The following TTF2 variants were observed in gnomAD, a reference collection of about 807,000 sequenced individuals.
TTF2 encodes RNA polymerase II termination factor.
TTF2 carries 108 observed loss-of-function variants against 142.4 expected under a neutral mutation model. The ratio of observed to expected loss-of-function variants is 0.76; its 90% CI spans 0.65 to 0.89. The LOEUF is 0.89. TTF2 is among the 40% of genes least tolerant of loss of function. The pLI is 0.00. For missense variants in TTF2, 1,327 were observed against 1,379.8 expected, an observed-to-expected ratio of 0.96 and a Z score of 0.61; for synonymous variants, 483 against 506.2, an observed-to-expected ratio of 0.95 and a Z score of 0.61.
chr1:117,090,141 GTA>G lies in TTF2; in HGVS notation c.2431_2432del (p.Ile811PhefsTer28), dbSNP rs1266479654. On this transcript the variant is annotated frameshift_variant, in exon 14 of 23. Coordinates refer to ENST00000369466, the MANE Select transcript of TTF2 (RefSeq NM_003594.4). LOFTEE classifies it high-confidence loss of function. This position sits in a 1 kb window ranked among gnomAD's most constrained non-coding sequence, Gnocchi z 4.8. The stretch of plus-strand genomic sequence containing the variant: ...TCAAAGAAAGGAGGAGAACGGTTAA[GTA>G]TTTTAACCAAGAGCCTTTTGCTGAG... 8 of 1,614,048 alleles carry G rather than the reference GTA, an allele frequency of 5.0e-6. No homozygotes were observed. The highest frequency in any genetic ancestry group is 6.8e-6 in the Non-Finnish European group (8 of 1,179,994).
At position 117,077,980 on chromosome 1, in the gene TTF2, G is replaced by T; in HGVS notation, c.1638G>T (p.Leu546=). The change falls in exon 8 of 23, where the codon CTG becomes CTT. Residue 546 remains leucine, a synonymous_variant. Coordinates refer to ENST00000369466, the MANE Select transcript of TTF2 (RefSeq NM_003594.4). The part of the protein sequence containing the change: ...WKITSEAIGQ[L]HRSLESCPGE... Reference sequence around the variant, plus strand: ...TCACAAGTGAAGCCATCGGTCAACTGCATCGCTCACTTGAGTCATGTCCTG... The same window carrying T: ...TCACAAGTGAAGCCATCGGTCAACTTCATCGCTCACTTGAGTCATGTCCTG... The T allele has an allele frequency of 1.9e-6, 3 of 1,614,190 alleles. No homozygotes were observed. Among genetic ancestry groups the T allele is most frequent in the Non-Finnish European group, 2.5e-6 (3 of 1,180,020 alleles).
chr1:117,080,881 C>A lies in TTF2; in HGVS notation c.1784-947C>A, dbSNP rs1195262325. Among the ~76,000 whole-genome samples, 1 of 152,148 alleles carries A rather than the reference C, an allele frequency of 6.6e-6. No homozygotes were observed. The highest frequency in any genetic ancestry group is 2.1e-4 in the South Asian group (1 of 4,830). On this transcript the variant is annotated intron_variant, in intron 9 of 22. Coordinates refer to ENST00000369466, the MANE Select transcript of TTF2 (RefSeq NM_003594.4). This position sits in a 1 kb window ranked among gnomAD's most constrained non-coding sequence, Gnocchi z 4.3. ...CCCAGCAGGGAGTTGTGACAACAGG[C>A]GTCAAAGGTTCCCTAGGAAGCTCAT...
chr1:117,077,603 T>C (rs1411851654), intron 7 of TTF2, among the ~76,000 whole-genome samples: 1 of 152,136 alleles, frequency 6.6e-6, no homozygotes, highest in Non-Finnish European at 1.5e-5. Context: ...TCCTGAACTT[T>C]CTAGGCAACT....
intron 3 of TTF2, among the ~76,000 whole-genome samples, chr1:117,068,115 G>T (rs1656290969): frequency 6.6e-6 from 1 of 152,198 alleles, no homozygotes; most frequent in Non-Finnish European, 1.5e-5. Flanking sequence ...CAAATTTTGG[G>T]CATTGTCACT....
chr1:117,060,674 G>C, intron 2 of TTF2, 117 bp downstream of exon 2: 1 of 997,164 alleles, frequency 1.0e-6, no homozygotes, highest in Non-Finnish European at 1.4e-6. Flanking sequence ...CTAGTTTGCG[G>C]TGTCAGGACC....
intron 13 of TTF2, 62 bp downstream of exon 13, chr1:117,089,044 C>T: frequency 1.3e-6 from 2 of 1,504,944 alleles, no homozygotes; most frequent in Non-Finnish European, 1.8e-6. Flanking sequence ...ATCATTATTT[C>T]ATGTCTCATA....
At position 117,090,486 on chromosome 1, in the gene TTF2, G is replaced by T; in HGVS notation, c.2497-46G>T. The stretch of plus-strand genomic sequence containing the variant: ...TGGGGAATTTGTTCTATAATAGGCA[G>T]TTAATTTGTATAGCTTCATGCCAGC... On this transcript the variant is annotated intron_variant, in intron 14 of 22. Transcript: ENST00000369466. This position sits in a 1 kb window ranked among gnomAD's most constrained non-coding sequence, Gnocchi z 4.8. 6.4e-7 allele frequency: 1 copy of T among 1,563,570 alleles called. No homozygotes were observed. Among genetic ancestry groups the T allele is most frequent in the Non-Finnish European group, 8.8e-7 (1 of 1,141,574 alleles).
chr1:117,066,497 G>T (rs1656140456), intron 3 of TTF2, among the ~76,000 whole-genome samples: 1 of 152,086 alleles, frequency 6.6e-6, no homozygotes, highest in Non-Finnish European at 1.5e-5. Context: ...ACTTCCCTGG[G>T]TTGGAGGACT....
chr1:117,075,869 G>T lies in TTF2; in HGVS notation c.1275+10G>T. 1 of 1,592,328 alleles carries T rather than the reference G, an allele frequency of 6.3e-7. No homozygotes were observed. Among genetic ancestry groups the T allele is most frequent in the South Asian group, 1.1e-5 (1 of 87,316 alleles). ...ACTGAAACAAAAGAAGGTAACTATT[G>T]ACTCGTGTTTTGTTTCTGAGGTCAG... On this transcript the variant is annotated intron_variant, in intron 5 of 22. Transcript: ENST00000369466. This position sits in a 1 kb window ranked among gnomAD's most constrained non-coding sequence, Gnocchi z 4.5.
In TTF2 at chr1:117,102,922, G is replaced by C. The variant is rs1434362452; in HGVS notation, c.*1398G>C. ...TTCCTTTTCCTCCCGGGCACCCAGA[G>C]AGACTGTATTTCCCAGTTTTTGCTG... On this transcript the variant is annotated 3_prime_UTR_variant, in exon 23 of 23. Coordinates refer to ENST00000369466, the MANE Select transcript of TTF2 (RefSeq NM_003594.4). The C allele has an allele frequency of 6.6e-6, 1 of 152,214 alleles. No homozygotes were observed. The highest frequency in any genetic ancestry group is 1.5e-5 in the Non-Finnish European group (1 of 68,050). The allele number at this position is 152,214 out of a possible 1,614,324, so 9.4% of individuals were successfully genotyped here.
intron 10 of TTF2, 89 bp from the exon 11 acceptor site, chr1:117,083,929 A>G: frequency 6.7e-7 from 1 of 1,492,198 alleles, no homozygotes; most frequent in Non-Finnish European, 9.1e-7. Context: ...TGGGTAACAC[A>G]GCAAGACCGT....
chr1:117,095,803 C>T, intron 19 of TTF2, among the ~76,000 whole-genome samples: 1 of 152,164 alleles, frequency 6.6e-6, no homozygotes, highest in Non-Finnish European at 1.5e-5. Context: ...TTCTGGCTGG[C>T]ACAAGAAGGG....
chr1:117,088,429 C>T (rs747167647), intron 12 of TTF2, among the ~76,000 whole-genome samples: 12 of 151,884 alleles, frequency 7.9e-5, no homozygotes, highest in Non-Finnish European at 1.0e-4. Flanking sequence ...CCCGGCTGCT[C>T]GGGAGGCTGA....
At chr1:117,084,244 C>T (rs1647809584) in intron 11 of TTF2, 76 bp downstream of exon 11, 1 of 1,569,320 alleles carries the variant, frequency 6.4e-7, no homozygotes, top group Non-Finnish European at 8.7e-7. Context: ...GCTCCCATCC[C>T]TGAGATTTCA....
rs893943318 is a variant in TTF2, at chr1:117,078,046, G to C, written c.1701+3G>C. On this transcript the variant is annotated splice_donor_region_variant and intron_variant, in intron 8 of 22. Coordinates refer to ENST00000369466, the MANE Select transcript of TTF2 (RefSeq NM_003594.4). ...CAGAAGATCCCGCCGGGCTGAAGGT[G>C]AGCCAGGGAAGACTCCTGGTGTAGT... The C allele has an allele frequency of 1.9e-6, 3 of 1,613,578 alleles. No homozygotes were observed. In the African/African-American group the frequency reaches 4.0e-5, roughly 22 times the overall value.
Position 117,096,256 on chromosome 1 carries a change from G to A in TTF2, c.3143G>A (p.Arg1048Lys), listed in dbSNP as rs139015113. 1.2e-5 allele frequency: 20 copies of A among 1,614,008 alleles called. No individual in the cohort carries two copies. In the African/African-American group the frequency reaches 2.5e-4, roughly 20 times the overall value. ...TIDGSVNPKQ[R>K]MDLVEAFNHS... is the part of the protein sequence containing the mutation. The stretch of plus-strand genomic sequence containing the variant: ...GATGGCTCTGTCAATCCCAAGCAGA[G>A]AATGGACTTGGTAGAGGCATTTAAC... Residue 1048 changes from arginine to lysine, a missense_variant, in exon 20 of 23, where the codon AGA (arginine) becomes AAA (lysine). Transcript: ENST00000369466.
intron 3 of TTF2, among the ~76,000 whole-genome samples, chr1:117,065,987 CCTTTTTTTTTTTT>C (rs1656078938): frequency 7.9e-6 from 1 of 126,650 alleles, no homozygotes; most frequent in African/African-American, 3.2e-5. Context: ...CCACTATATA[CCTTTTTTTTTTTT>C]TTTTTTTTTT....
intron 18 of TTF2, chr1:117,094,515 G>C: frequency 2.2e-6 from 1 of 452,136 alleles, no homozygotes; most frequent in South Asian, 1.6e-5. Context: ...AAGGGTTCTT[G>C]GGGAATACCC....
rs557408186 is a variant in TTF2, at chr1:117,097,179, G to C, written c.3187-172G>C. On this transcript the variant is annotated intron_variant, in intron 20 of 22. Transcript: ENST00000369466. The surrounding 1 kb of genome is among the most constrained non-coding windows in gnomAD (Gnocchi z 4.1). The stretch of plus-strand genomic sequence containing the variant: ...GTGATGTGAGAATTTTCTCAAAAGT[G>C]AGACATGGGAGATAGCATTATAATG... Among the ~76,000 whole-genome samples the C allele has an allele frequency of 9.8e-4, 148 of 151,696 alleles. No individual in the cohort carries two copies. The highest frequency in any genetic ancestry group is 2.0e-3 in the Non-Finnish European group (136 of 67,978).
Sources: allele counts gnomAD v4.1 joint callset (sites outside exome capture counted in the v4.1 genomes callset), GRCh38; gene constraint gnomAD v4.1.1; non-coding constraint Gnocchi (gnomAD v3.1); transcripts MANE v1.5; gene names NCBI Gene and HGNC (gene_info 2026-07-23, HGNC 2026-07-21).